The following EGR1 variants were observed in gnomAD, a reference collection of about 807,000 sequenced individuals.
EGR1 encodes early growth response protein 1.
Under a neutral mutation model 30.2 loss-of-function variants are expected in EGR1, and 8 were observed. The ratio of observed to expected loss-of-function variants is 0.26; its 90% CI spans 0.16 to 0.48. EGR1 has a LOEUF of 0.48. EGR1 is among the 20% of genes least tolerant of loss of function. EGR1 has a pLI of 0.99. For missense variants in EGR1, 568 were observed against 732.3 expected, an observed-to-expected ratio of 0.78 and a Z score of 2.59; for synonymous variants, 334 against 312.8, an observed-to-expected ratio of 1.07 and a Z score of -0.72.
rs1284301348 is a variant in EGR1, at chr5:138,465,489, AGCGCG to A, written c.-272_-268del. 1 of 219,662 alleles carries A rather than the reference AGCGCG, an allele frequency of 4.6e-6. No individual in the cohort carries two copies. Among genetic ancestry groups the A allele is most frequent in the Admixed American group, 5.8e-5 (1 of 17,230 alleles). The allele number at this position is 219,662 out of a possible 1,614,324, so 13.6% of individuals were successfully genotyped here. On this transcript the variant is annotated 5_prime_UTR_variant, in exon 1 of 2. Coordinates refer to ENST00000239938, the MANE Select transcript of EGR1 (RefSeq NM_001964.3). ...GATCCGGGGAGTCGCGAGAGATCCCAGCGCGCAGAACTTGGGGAGCCGCCGCCGCC... is the reference window on the plus strand; with the variant it reads ...GATCCGGGGAGTCGCGAGAGATCCCACAGAACTTGGGGAGCCGCCGCCGCC...
chr5:138,468,260 A>G lies in EGR1; in HGVS notation c.*179A>G, dbSNP rs1764187259. On this transcript the variant is annotated 3_prime_UTR_variant, in exon 2 of 2. Transcript: ENST00000239938. ...TATTGGCCAACAATCCTTTCTGCCC[A>G]CTTCCCCTTCCCCAATTACTATTCC... 2 of 1,367,738 alleles carry G rather than the reference A, an allele frequency of 1.5e-6. No homozygotes were observed. The highest frequency in any genetic ancestry group is 1.0e-6 in the Non-Finnish European group (1 of 995,066). The allele number at this position is 1,367,738 out of a possible 1,614,324, so 84.7% of individuals were successfully genotyped here. A position where few individuals can be genotyped will look rare whatever the true frequency, so the allele number is the denominator to read the frequency against.
Position 138,467,677 on chromosome 5 carries a change from G to T in EGR1, c.1228G>T (p.Glu410Ter). The T allele has an allele frequency of 6.2e-7, 1 of 1,614,198 alleles. No individual in the cohort carries two copies. Among genetic ancestry groups the T allele is most frequent in the East Asian group, 2.2e-5 (1 of 44,888 alleles). ...TGGAAGAAAGTTTGCCAGGAGCGAT[G>T]AACGCAAGAGGCATACCAAGATCCA... Reference protein sequence around the residue: ...ICGRKFARSDERKRHTKIHLR... With the variant: ...ICGRKFARSD Residue 410 changes from glutamate (E) to a stop codon, truncating the protein, a stop_gained, in exon 2 of 2, where the codon GAA becomes TAA. Transcript: ENST00000239938. LOFTEE classifies it high-confidence loss of function. This position sits in a 1 kb window ranked among gnomAD's most constrained non-coding sequence, Gnocchi z 8.3.
Position 138,467,887 on chromosome 5 carries a change from T to G in EGR1, c.1438T>G (p.Ser480Ala). ...VPTSFSSPGS[S>A]TYPSPVHSGF... ...CACCTCCTTCTCCTCTCCCGGCTCC[T>G]CGACCTACCCATCCCCTGTGCACAG... The change falls in exon 2 of 2, where the codon TCG becomes GCG. Residue 480 changes from serine (S) to alanine (A), a missense_variant. Transcript: ENST00000239938. The surrounding 1 kb of genome is among the most constrained non-coding windows in gnomAD (Gnocchi z 8.3). 1 of 1,613,740 alleles carries G rather than the reference T, an allele frequency of 6.2e-7. No individual in the cohort carries two copies. The highest frequency in any genetic ancestry group is 8.5e-7 in the Non-Finnish European group (1 of 1,179,836).
At chr5:138,466,150 T>G in intron 1 of EGR1, 82 bp downstream of exon 1, 12 of 1,447,322 alleles carry the variant, frequency 8.3e-6, no homozygotes, top group Non-Finnish European at 9.1e-6. Flanking sequence ...TGCTCCTGGA[T>G]CTTAGAATGA....
Position 138,467,398 on chromosome 5 carries a change from A to G in EGR1, c.949A>G (p.Lys317Glu). 6.2e-7 allele frequency: 1 copy of G among 1,614,126 alleles called. No homozygotes were observed. The highest frequency in any genetic ancestry group is 1.1e-5 in the South Asian group (1 of 91,084). Residue 317 changes from lysine (K) to glutamate (E), a missense_variant, in exon 2 of 2, where the codon AAA becomes GAA. Physicochemically the swap from Lys to Glu is moderately conservative, Grantham distance 56. Transcript: ENST00000239938. The surrounding 1 kb of genome is among the most constrained non-coding windows in gnomAD (Gnocchi z 8.3). ...TACCAGCTACCAGTCCCAGCTCATC[A>G]AACCCAGCCGCATGCGCAAGTACCC... The part of the protein sequence containing the change: ...LNTSYQSQLI[K>E]PSRMRKYPNR...
Position 138,465,846 on chromosome 5 carries a change from A to T in EGR1, c.85A>T (p.Met29Leu), listed in dbSNP as rs768374163. 1.2e-6 allele frequency: 2 copies of T among 1,613,892 alleles called. No individual in the cohort carries two copies. The highest frequency in any genetic ancestry group is 1.1e-5 in the South Asian group (1 of 91,078). Residue 29 changes from methionine (M) to leucine (L), a missense_variant, in exon 1 of 2, where the codon ATG becomes TTG. Coordinates refer to ENST00000239938, the MANE Select transcript of EGR1 (RefSeq NM_001964.3). ...CGGATCCTTTCCTCACTCGCCCACC[A>T]TGGACAACTACCCTAAGCTGGAGGA... Reference protein sequence around the residue: ...PFGSFPHSPTMDNYPKLEEMM... With the variant: ...PFGSFPHSPTLDNYPKLEEMM...
chr5:138,467,929 T>A lies in EGR1; in HGVS notation c.1480T>A (p.Ser494Thr). 6.2e-7 allele frequency: 1 copy of A among 1,613,366 alleles called. No homozygotes were observed. Among genetic ancestry groups the A allele is most frequent in the Non-Finnish European group, 8.5e-7 (1 of 1,179,552 alleles). Reference protein sequence around the residue: ...SPVHSGFPSPSVATTYSSVPP... With the variant: ...SPVHSGFPSPTVATTYSSVPP... ...TGTGCACAGTGGCTTCCCCTCCCCGTCGGTGGCCACCACGTACTCCTCTGT... is the reference window on the plus strand; with the variant it reads ...TGTGCACAGTGGCTTCCCCTCCCCGACGGTGGCCACCACGTACTCCTCTGT... Residue 494 changes from serine to threonine, a missense_variant, in exon 2 of 2, where the codon TCG becomes ACG. Around this residue, in one of 4 missense-constraint regions of EGR1, gnomAD observed 118 missense variants for 161.6 expected, o/e 0.73. Transcript: ENST00000239938. The surrounding 1 kb of genome is among the most constrained non-coding windows in gnomAD (Gnocchi z 8.3).
At chr5:138,466,277 C>G (rs72805809) in intron 1 of EGR1, among the ~76,000 whole-genome samples, 2 of 152,364 alleles carry the variant, frequency 1.3e-5, no homozygotes, top group Admixed American at 6.5e-5. Context: ...GAGGACCGAG[C>G]TTTTGTTTTG....
chr5:138,466,955 C>A lies in EGR1; in HGVS notation c.506C>A (p.Ala169Asp). ...SGLVSMTNPP[A>D]SSSSAPSPAA... The stretch of plus-strand genomic sequence containing the variant: ...CTAGTGAGCATGACCAACCCACCGG[C>A]CTCCTCGTCCTCAGCACCATCTCCA... Residue 169 changes from alanine to aspartate, a missense_variant, in exon 2 of 2, where the codon GCC (alanine) becomes GAC (aspartate). Around this residue, in one of 4 missense-constraint regions of EGR1, gnomAD observed 415 missense variants for 445.2 expected, o/e 0.93. Transcript: ENST00000239938. 2 of 1,614,058 alleles carry A rather than the reference C, an allele frequency of 1.2e-6. No homozygotes were observed. The highest frequency in any genetic ancestry group is 2.2e-5 in the South Asian group (2 of 91,080).
chr5:138,466,211 G>A (rs999764272), intron 1 of EGR1, 143 bp downstream of exon 1: 58 of 1,349,276 alleles, frequency 4.3e-5, no homozygotes, highest in Non-Finnish European at 5.6e-5. Context: ...TGTGTTAGAG[G>A]GATGCCAAGG....
rs1478560869 is a variant in EGR1, at chr5:138,468,877, A to G, written c.*796A>G. ...GCCTTTTGTGTGATGCGCCTTGCTG[A>G]TGGCTTGACATGTGCAATTGTGAGG... On this transcript the variant is annotated 3_prime_UTR_variant, in exon 2 of 2. Transcript: ENST00000239938. 2 of 148,386 alleles carry G rather than the reference A, an allele frequency of 1.3e-5. No homozygotes were observed. Among genetic ancestry groups the G allele is most frequent in the African/African-American group, 5.0e-5 (2 of 39,890 alleles). The allele number at this position is 148,386 out of a possible 1,614,324, so 9.2% of individuals were successfully genotyped here. A position where few individuals can be genotyped will look rare whatever the true frequency, so the allele number is the denominator to read the frequency against.
rs1323864763 is a variant in EGR1, at chr5:138,467,139, G to C, written c.690G>C (p.Gly230=). 6.2e-7 allele frequency: 1 copy of C among 1,613,292 alleles called. No homozygotes were observed. The highest frequency in any genetic ancestry group is 8.5e-7 in the Non-Finnish European group (1 of 1,179,994). The part of the protein sequence containing the change: ...PQSQAFPGSA[G]TALQYPPPAY... ...GCCAGGCCTTCCCGGGCTCGGCAGG[G>C]ACAGCGCTCCAGTACCCGCCTCCTG... Residue 230 remains glycine, a synonymous_variant, in exon 2 of 2, where the codon GGG becomes GGC. Coordinates refer to ENST00000239938, the MANE Select transcript of EGR1 (RefSeq NM_001964.3). The surrounding 1 kb of genome is among the most constrained non-coding windows in gnomAD (Gnocchi z 8.3).
At chr5:138,466,216 C>G (rs1764156276) in intron 1 of EGR1, 148 bp downstream of exon 1, 6 of 1,320,598 alleles carry the variant, frequency 4.5e-6, no homozygotes, top group Non-Finnish European at 6.0e-6. Flanking sequence ...TAGAGGGATG[C>G]CAAGGAACCC....
chr5:138,467,777 C>T lies in EGR1; in HGVS notation c.1328C>T (p.Pro443Leu). The change falls in exon 2 of 2, where the codon CCG (proline) becomes CTG (leucine). Residue 443 changes from proline (P) to leucine (L), a missense_variant. Transcript: ENST00000239938. This position sits in a 1 kb window ranked among gnomAD's most constrained non-coding sequence, Gnocchi z 8.3. ...GCCACCTCCTCTCTCTCTTCCTACC[C>T]GTCCCCGGTTGCTACCTCTTACCCG... is the stretch of plus-strand genomic sequence containing the variant. ...SSATSSLSSY[P>L]SPVATSYPSP... The T allele has an allele frequency of 5.6e-6, 9 of 1,613,758 alleles. No homozygotes were observed. The highest frequency in any genetic ancestry group is 1.3e-5 in the African/African-American group (1 of 75,020).
rs1332106692 is a variant in EGR1 at position 138,466,834 on chromosome 5, C to A, written c.385C>A (p.Pro129Thr). The stretch of plus-strand genomic sequence containing the variant: ...TTACCCCAGCCAAACCACTCGACTG[C>A]CCCCCATCACCTATACTGGCCGCTT... ...TSYPSQTTRL[P>T]PITYTGRFSL... Residue 129 changes from proline (P) to threonine (T), a missense_variant, in exon 2 of 2, where the codon CCC becomes ACC. Pro to Thr is a conservative substitution (Grantham distance 38). Transcript: ENST00000239938. 3 of 1,614,052 alleles carry A rather than the reference C, an allele frequency of 1.9e-6. No individual in the cohort carries two copies. Among genetic ancestry groups the A allele is most frequent in the Non-Finnish European group, 2.5e-6 (3 of 1,180,000 alleles).
In EGR1 at chr5:138,468,967, A is replaced by G. The variant is rs1248840825; in HGVS notation, c.*886A>G. ...TGATTTGGGGGAGGCTTTGGGAGCA[A>G]AATAAGGAAGAGGGCTGAGCTGAGC... On this transcript the variant is annotated 3_prime_UTR_variant, in exon 2 of 2. Transcript: ENST00000239938. The G allele has an allele frequency of 6.6e-6, 1 of 152,528 alleles. No homozygotes were observed. The highest frequency in any genetic ancestry group is 1.5e-5 in the Non-Finnish European group (1 of 68,030). 9.4% of individuals were successfully genotyped at this position (152,528 alleles called of 1,614,324 possible).
Position 138,467,133 on chromosome 5 carries a change from G to T in EGR1, c.684G>T (p.Ser228=). 6.2e-7 allele frequency: 1 copy of T among 1,613,362 alleles called. No homozygotes were observed. ...CACAAAGCCAGGCCTTCCCGGGCTCGGCAGGGACAGCGCTCCAGTACCCGC... is the reference window on the plus strand; with the variant it reads ...CACAAAGCCAGGCCTTCCCGGGCTCTGCAGGGACAGCGCTCCAGTACCCGC... ...PEPQSQAFPG[S]AGTALQYPPP... The change falls in exon 2 of 2, where the codon TCG becomes TCT. Residue 228 remains serine, a synonymous_variant. Transcript: ENST00000239938. The surrounding 1 kb of genome is among the most constrained non-coding windows in gnomAD (Gnocchi z 8.3).
At position 138,465,922 on chromosome 5, in the gene EGR1, C is replaced by T. The variant is rs1323268510; in HGVS notation, c.161C>T (p.Ala54Val). ...CCCCAGTTCCTCGGCGCCGCCGGGG[C>T]CCCAGAGGGCAGCGGCAGCAACAGC... The part of the protein sequence containing the change: ...GAPQFLGAAG[A>V]PEGSGSNSSS... The change falls in exon 1 of 2, where the codon GCC (alanine) becomes GTC (valine). Residue 54 changes from alanine (A) to valine (V), a missense_variant. Ala to Val is a moderately conservative substitution (Grantham distance 64). Transcript: ENST00000239938. The T allele has an allele frequency of 6.8e-6, 11 of 1,613,528 alleles. No individual in the cohort carries two copies. Among genetic ancestry groups the T allele is most frequent in the Non-Finnish European group, 9.3e-6 (11 of 1,179,800 alleles).
At position 138,465,730 on chromosome 5, in the gene EGR1, C is replaced by T; in HGVS notation, c.-32C>T. ...CAGCCCCGGGCTGCACCCCCCCGCCCCGACACCAGCTCTCCAGCCTGCTCG... is the reference window on the plus strand; with the variant it reads ...CAGCCCCGGGCTGCACCCCCCCGCCTCGACACCAGCTCTCCAGCCTGCTCG... On this transcript the variant is annotated 5_prime_UTR_variant, in exon 1 of 2. Transcript: ENST00000239938. The T allele has an allele frequency of 1.3e-6, 2 of 1,545,076 alleles. No individual in the cohort carries two copies. Among genetic ancestry groups the T allele is most frequent in the South Asian group, 2.5e-5 (2 of 80,654 alleles).
Sources: gnomAD v4.1 joint callset for allele counts (sites outside exome capture counted in the v4.1 genomes callset) on GRCh38, gnomAD v4.1.1 for gene constraint, gnomAD v4.1.1 regional missense constraint, Gnocchi (gnomAD v3.1) non-coding constraint, MANE v1.5 for transcripts, NCBI Gene and HGNC (gene_info 2026-07-23, HGNC 2026-07-21) for gene names.